The following CDH6 variants were observed in gnomAD, a reference collection of about 807,000 sequenced individuals.
CDH6 encodes the protein cadherin-6.
CDH6 carries 31 observed loss-of-function variants against 78.0 expected under a neutral mutation model. The observed-to-expected ratio is 0.40, with a 90% CI of 0.30 to 0.54. The LOEUF (loss-of-function observed/expected upper bound fraction) is 0.54. Among genes scored for constraint, CDH6 ranks in the 20% least tolerant of loss-of-function variants. The pLI is 0.56. For missense variants in CDH6, 724 were observed against 975.9 expected (o/e 0.74, Z 3.44); for synonymous variants, 376 against 368.8 (o/e 1.02, Z -0.23).
chr5:31,232,903 G>T (rs1741350827), intron 1 of CDH6, among the ~76,000 whole-genome samples: 1 of 152,058 alleles, frequency 6.6e-6, no homozygotes, highest in South Asian at 2.1e-4. Context: ...CTCCAAAATA[G>T]GTCCTTTAAT....
chr5:31,307,156 G>A (rs2149954781), intron 7 of CDH6, among the ~76,000 whole-genome samples: 1 of 152,030 alleles, frequency 6.6e-6, no homozygotes, highest in East Asian at 1.9e-4. Context: ...TGTAGTTGAT[G>A]GTAAAGACTG....
chr5:31,252,763 T>TG (rs1741944961), intron 1 of CDH6, among the ~76,000 whole-genome samples: 1 of 150,488 alleles, frequency 6.6e-6, no homozygotes, highest in African/African-American at 2.5e-5. Context: ...AAGAGCTTTT[T>TG]GTTTTTTTTT....
intron 1 of CDH6, among the ~76,000 whole-genome samples, chr5:31,204,513 G>A (rs1160792336): frequency 6.6e-6 from 1 of 152,162 alleles, no homozygotes; most frequent in Non-Finnish European, 1.5e-5. Context: ...GCAGAGAAAG[G>A]AGAAATTATT....
Position 31,313,369 on chromosome 5 carries a change from T to C in CDH6, c.1305T>C (p.Ser435=). The C allele has an allele frequency of 1.2e-6, 2 of 1,613,858 alleles. No homozygotes were observed. Among genetic ancestry groups the C allele is most frequent in the Non-Finnish European group, 1.7e-6 (2 of 1,179,724 alleles). The change falls in exon 8 of 12, where the codon TCT becomes TCC. Residue 435 remains serine, a synonymous_variant. Coordinates refer to ENST00000265071, the MANE Select transcript of CDH6 (RefSeq NM_004932.4). The stretch of plus-strand genomic sequence containing the variant: ...TGGACAGAATATTCAACATTGATTC[T>C]GGAAATGGTTCGATTTTTACATCGA... The part of the protein sequence containing the change: ...TDMDRIFNID[S]GNGSIFTSKL...
intron 2 of CDH6, among the ~76,000 whole-genome samples, chr5:31,277,588 T>C (rs13356662): frequency 0.029 from 4,463 of 152,278 alleles, 229 homozygotes; most frequent in African/African-American, 0.1. Flanking sequence ...AAGGTTGAAC[T>C]TTGACCTTAA....
At chr5:31,302,794 G>GAAAGGAAGAA (rs1388716040) in intron 6 of CDH6, among the ~76,000 whole-genome samples, 1 of 36,360 alleles carries the variant, frequency 2.8e-5, no homozygotes, top group African/African-American at 7.1e-5. Flanking sequence ...GAGAGAGAGA[G>GAAAGGAAGAA]AGAGAGAAAG....
chr5:31,294,084 C>T lies in CDH6; in HGVS notation c.351C>T (p.Asp117=), dbSNP rs112345416. The change falls in exon 3 of 12, where the codon GAC becomes GAT. Residue 117 remains aspartate, a synonymous_variant. Transcript: ENST00000265071. The surrounding 1 kb of genome is among the most constrained non-coding windows in gnomAD (Gnocchi z 4.1). The part of the protein sequence containing the change: ...TGDIQATKRL[D]REEKPVYILR... The stretch of plus-strand genomic sequence containing the variant: ...ACATACAGGCCACCAAGAGGCTGGA[C>T]AGGGAAGAAAAACCCGTTTACATCC... 6.2e-7 allele frequency: 1 copy of T among 1,613,818 alleles called. No homozygotes were observed. Among genetic ancestry groups the T allele is most frequent in the Non-Finnish European group, 8.5e-7 (1 of 1,179,930 alleles).
chr5:31,197,995 G>A (rs1312251856), intron 1 of CDH6, among the ~76,000 whole-genome samples: 1 of 152,164 alleles, frequency 6.6e-6, no homozygotes, highest in Non-Finnish European at 1.5e-5. Context: ...TAGTGTTTGT[G>A]ATGCTATCAC....
At chr5:31,251,932 CA>C (rs1741920422) in intron 1 of CDH6, 1 of 152,086 alleles carries the variant, frequency 6.6e-6, no homozygotes. Context: ...CCAGGCCAAG[CA>C]AAATAAAGAC....
At chr5:31,245,818 C>T (rs1186036285) in intron 1 of CDH6, among the ~76,000 whole-genome samples, 1 of 151,888 alleles carries the variant, frequency 6.6e-6, no homozygotes, top group Non-Finnish European at 1.5e-5. Context: ...AAGATTCAAC[C>T]TCTACTTCTA....
Position 31,328,913 on chromosome 5 carries a change from C to T in CDH6, c.*5605C>T, listed in dbSNP as rs192263519. 6 of 220,760 alleles carry T rather than the reference C, an allele frequency of 2.7e-5. No homozygotes were observed. The highest frequency in any genetic ancestry group is 1.7e-4 in the Admixed American group (3 of 17,346). 13.7% of individuals were successfully genotyped at this position (220,760 alleles called of 1,614,324 possible). On this transcript the variant is annotated 3_prime_UTR_variant, in exon 12 of 12. Coordinates refer to ENST00000265071, the MANE Select transcript of CDH6 (RefSeq NM_004932.4). ...GTTTTCTGTGTTAGAAGAATGGGGTCGAGAGTATTACCTTTTAGCTCAGTG... is the reference window on the plus strand; with the variant it reads ...GTTTTCTGTGTTAGAAGAATGGGGTTGAGAGTATTACCTTTTAGCTCAGTG...
chr5:31,196,962 G>A (rs1264626370), intron 1 of CDH6, among the ~76,000 whole-genome samples: 3 of 136,370 alleles, frequency 2.2e-5, no homozygotes, highest in Non-Finnish European at 4.7e-5. Flanking sequence ...GCCGCCCCCC[G>A]CCCCCCAACC....
chr5:31,281,351 G>T (rs1255771802), intron 2 of CDH6, among the ~76,000 whole-genome samples: 2 of 149,472 alleles, frequency 1.3e-5, no homozygotes, highest in African/African-American at 2.5e-5. Context: ...TGTGTGTGGG[G>T]GGTGTGTTTG....
chr5:31,226,209 C>T (rs747577841), intron 1 of CDH6, among the ~76,000 whole-genome samples: 3 of 152,138 alleles, frequency 2.0e-5, no homozygotes, highest in Non-Finnish European at 2.9e-5. Context: ...GCATCTCACT[C>T]AGTCACCCAG....
chr5:31,315,049 G>T (rs1467251928), intron 8 of CDH6, among the ~76,000 whole-genome samples: 1 of 152,144 alleles, frequency 6.6e-6, no homozygotes. Context: ...TGCATATACT[G>T]ATTCCTCGAC....
At chr5:31,203,201 C>T (rs747245824) in intron 1 of CDH6, among the ~76,000 whole-genome samples, 136 of 146,374 alleles carry the variant, frequency 9.3e-4, no homozygotes, top group Non-Finnish European at 1.7e-3. Context: ...TTTTATAAAG[C>T]GAGAGAGAGA....
chr5:31,213,292 T>C (rs1740768812), intron 1 of CDH6, among the ~76,000 whole-genome samples: 2 of 152,232 alleles, frequency 1.3e-5, no homozygotes, highest in African/African-American at 4.8e-5. Context: ...GTTGCAGATA[T>C]TCAAATGCAG....
intron 1 of CDH6, among the ~76,000 whole-genome samples, chr5:31,254,602 C>T (rs1214823381): frequency 6.6e-6 from 1 of 152,174 alleles, no homozygotes; most frequent in Non-Finnish European, 1.5e-5. Context: ...TTTCAGGCAC[C>T]TATTGGGGGT....
chr5:31,238,578 G>A (rs1029566349), intron 1 of CDH6, among the ~76,000 whole-genome samples: 1 of 152,152 alleles, frequency 6.6e-6, no homozygotes, highest in African/African-American at 2.4e-5. Context: ...TAAGAAAGTA[G>A]TGAAAGAATC....
Sources: allele counts gnomAD v4.1 joint callset (sites outside exome capture counted in the v4.1 genomes callset), GRCh38; gene constraint gnomAD v4.1.1; non-coding constraint Gnocchi (gnomAD v3.1); transcripts MANE v1.5; gene names NCBI Gene and HGNC (gene_info 2026-07-23, HGNC 2026-07-21).